Variants in LRRC25 observed in about 807,000 individuals in gnomAD.
LRRC25 encodes leucine-rich repeat-containing protein 25.
LRRC25 carries 5 observed loss-of-function variants against 18.8 expected under a neutral mutation model. The ratio of observed to expected loss-of-function variants is 0.27; its 90% CI spans 0.14 to 0.56. LRRC25 has a LOEUF of 0.56. Ranked by LOEUF, LRRC25 falls within the 20% of genes least tolerant of loss-of-function variation. The pLI is 0.93. For missense variants in LRRC25, 341 were observed against 389.8 expected, an observed-to-expected ratio of 0.87 and a Z score of 1.05; for synonymous variants, 161 against 176.8, an observed-to-expected ratio of 0.91 and a Z score of 0.71.
Position 18,396,777 on chromosome 19 carries a change from C to T in LRRC25, c.187G>A (p.Val63Met). The change falls in exon 1 of 2, where the codon GTG (valine) becomes ATG (methionine). Residue 63 changes from valine to methionine, a missense_variant. Physicochemically the swap from Val to Met is conservative, Grantham distance 21. Transcript: ENST00000339007. Reference protein sequence around the residue: ...PHNQSLRASNVILLDLSGNGL... With the variant: ...PHNQSLRASNMILLDLSGNGL... ...TTCCCAGACAGGTCAAGGAGAATCA[C>T]GTTGCTGGCCCGCAGAGACTGGTTG... The T allele has an allele frequency of 1.2e-6, 2 of 1,614,162 alleles. No homozygotes were observed. The highest frequency in any genetic ancestry group is 1.7e-6 in the Non-Finnish European group (2 of 1,180,044).
At position 18,392,138 on chromosome 19, in the gene LRRC25, A is replaced by G; in HGVS notation, c.780-13T>C. The G allele has an allele frequency of 6.2e-7, 1 of 1,613,000 alleles. No individual in the cohort carries two copies. Among genetic ancestry groups the G allele is most frequent in the Non-Finnish European group, 8.5e-7 (1 of 1,179,214 alleles). On this transcript the variant is annotated splice_polypyrimidine_tract_variant and intron_variant, in intron 1 of 1. Coordinates refer to ENST00000339007, the MANE Select transcript of LRRC25 (RefSeq NM_145256.3). Reference sequence around the variant, plus strand: ...TGAAGGGTGAGCCCTGGGGGGACAGACAGACCAGGGGTAAGTGTGGGAGGG... The same window carrying G: ...TGAAGGGTGAGCCCTGGGGGGACAGGCAGACCAGGGGTAAGTGTGGGAGGG...
intron 1 of LRRC25, among the ~76,000 whole-genome samples, chr19:18,394,051 C>T (rs906974524): frequency 2.6e-5 from 4 of 152,162 alleles, no homozygotes; most frequent in Non-Finnish European, 4.4e-5. Flanking sequence ...AACAGCCTTC[C>T]GATAGCCTCC....
Position 18,396,592 on chromosome 19 carries a change from G to C in LRRC25, c.372C>G (p.His124Gln), listed in dbSNP as rs137990337. The change falls in exon 1 of 2, where the codon CAC (histidine) becomes CAG (glutamine). Residue 124 changes from histidine to glutamine, a missense_variant. Coordinates refer to ENST00000339007, the MANE Select transcript of LRRC25 (RefSeq NM_145256.3). ...CAGAGCAGTTGTCTCGGCGGATGTCGTGCCAGGACTCCAGGGCACAGTTGC... is the reference window on the plus strand; with the variant it reads ...CAGAGCAGTTGTCTCGGCGGATGTCCTGCCAGGACTCCAGGGCACAGTTGC... ...ADCNCALESW[H>Q]DIRRDNCSGQ... 1.5e-4 allele frequency: 237 copies of C among 1,613,908 alleles called. No individual in the cohort carries two copies. In the African/African-American group the frequency reaches 2.0e-3, roughly 14 times the overall value.
rs973422552 is a variant in LRRC25, at chr19:18,397,548, C to T, written c.-585G>A. ...CTGGCCCACCTGGACACGGGGGCCG[C>T]AGCGGCCACGGCCAGCACCGTCCGC... On this transcript the variant is annotated 5_prime_UTR_variant, in exon 1 of 2. Coordinates refer to ENST00000339007, the MANE Select transcript of LRRC25 (RefSeq NM_145256.3). 10 of 155,720 alleles carry T rather than the reference C, an allele frequency of 6.4e-5. No homozygotes were observed. Among genetic ancestry groups the T allele is most frequent in the African/African-American group, 2.4e-4 (10 of 41,474 alleles). 9.6% of individuals were successfully genotyped at this position (155,720 alleles called of 1,614,324 possible).
chr19:18,391,965 T>A lies in LRRC25; in HGVS notation c.*22A>T, dbSNP rs541322584. 6.2e-7 allele frequency: 1 copy of A among 1,608,094 alleles called. No homozygotes were observed. Among genetic ancestry groups the A allele is most frequent in the Non-Finnish European group, 8.5e-7 (1 of 1,176,076 alleles). On this transcript the variant is annotated 3_prime_UTR_variant, in exon 2 of 2. Transcript: ENST00000339007. Reference sequence around the variant, plus strand: ...CAGCAGGGACTGAAGGGGTTCTGGGTGGAGGTTAGGACATCTTAGGCTCAG... The same window carrying A: ...CAGCAGGGACTGAAGGGGTTCTGGGAGGAGGTTAGGACATCTTAGGCTCAG...
intron 1 of LRRC25, among the ~76,000 whole-genome samples, chr19:18,395,721 T>C (rs1971959469): frequency 6.6e-6 from 1 of 152,082 alleles, no homozygotes; most frequent in Non-Finnish European, 1.5e-5. Flanking sequence ...TTTACTTTAT[T>C]TTATTGATTT....
Position 18,391,504 on chromosome 19 carries a change from C to CTCCA in LRRC25, c.*479_*482dup, listed in dbSNP as rs1193870726. On this transcript the variant is annotated 3_prime_UTR_variant, in exon 2 of 2. Transcript: ENST00000339007. ...AGTGAGCTGAGACCGCAGCATTGCA[C>CTCCA]TCCAGCCTGGGTGACAGAGTGACAC... 2 of 156,006 alleles carry CTCCA rather than the reference C, an allele frequency of 1.3e-5. No individual in the cohort carries two copies. Among genetic ancestry groups the CTCCA allele is most frequent in the African/African-American group, 4.8e-5 (2 of 41,502 alleles). 9.7% of individuals were successfully genotyped at this position (156,006 alleles called of 1,614,324 possible).
Position 18,397,014 on chromosome 19 carries a change from G to C in LRRC25, c.-51C>G. On this transcript the variant is annotated 5_prime_UTR_variant, in exon 1 of 2. Transcript: ENST00000339007. ...GAATCCTAGCCCTGACCTCAGCCCT[G>C]TGGTCGCCCTCGCCTCCACCGCCAG... 6.5e-7 allele frequency: 1 copy of C among 1,542,800 alleles called. No individual in the cohort carries two copies. Among genetic ancestry groups the C allele is most frequent in the South Asian group, 1.2e-5 (1 of 84,516 alleles).
rs946737998 is a variant in LRRC25 at position 18,391,154 on chromosome 19, T to C, written c.*833A>G. On this transcript the variant is annotated 3_prime_UTR_variant, in exon 2 of 2. Coordinates refer to ENST00000339007, the MANE Select transcript of LRRC25 (RefSeq NM_145256.3). Reference sequence around the variant, plus strand: ...TCAGAATATTAGAGCTAAAGGAATATATACATTTTTTTATTTTGGGGTTGG... The same window carrying C: ...TCAGAATATTAGAGCTAAAGGAATACATACATTTTTTTATTTTGGGGTTGG... 2 of 152,236 alleles carry C rather than the reference T, an allele frequency of 1.3e-5. No homozygotes were observed. Among genetic ancestry groups the C allele is most frequent in the Non-Finnish European group, 2.9e-5 (2 of 68,062 alleles). The allele number at this position is 152,236 out of a possible 1,614,324, so 9.4% of individuals were successfully genotyped here.
rs2144625103 is a variant in LRRC25 at position 18,396,676 on chromosome 19, G to A, written c.288C>T (p.Pro96=). The A allele has an allele frequency of 1.2e-6, 2 of 1,614,058 alleles. No homozygotes were observed. Among genetic ancestry groups the A allele is most frequent in the Non-Finnish European group, 1.7e-6 (2 of 1,180,000 alleles). ...CCAGCGCCCCATCCACACGAGACAA[G>A]GGGTTGCGTAGCACGTTCAGGACCT... The part of the protein sequence containing the change: ...KLEVLNVLRN[P]LSRVDGALAA... The change falls in exon 1 of 2, where the codon CCC becomes CCT. Residue 96 remains proline, a synonymous_variant. Coordinates refer to ENST00000339007, the MANE Select transcript of LRRC25 (RefSeq NM_145256.3).
At chr19:18,392,737 C>T (rs1971917973) in intron 1 of LRRC25, among the ~76,000 whole-genome samples, 2 of 151,804 alleles carry the variant, frequency 1.3e-5, no homozygotes, top group South Asian at 4.2e-4. Context: ...TGCCTGTAAT[C>T]CCAGCACTTT....
Position 18,396,427 on chromosome 19 carries a change from A to C in LRRC25, c.537T>G (p.Leu179=). ...AGGCCAGCACAGGGCCAGCGATGGC[A>C]AGTCCAAGAAGCAGGCACCCGCTGA... The part of the protein sequence containing the change: ...VVVSGCLLLG[L]AIAGPVLAWR... Residue 179 remains leucine (L), a synonymous_variant, in exon 1 of 2, where the codon CTT becomes CTG. Coordinates refer to ENST00000339007, the MANE Select transcript of LRRC25 (RefSeq NM_145256.3). The C allele has an allele frequency of 1.9e-6, 3 of 1,613,476 alleles. No homozygotes were observed. Among genetic ancestry groups the C allele is most frequent in the Non-Finnish European group, 2.5e-6 (3 of 1,180,028 alleles).
In LRRC25 at chr19:18,391,340, A is replaced by T. The variant is rs1971894441; in HGVS notation, c.*647T>A. The T allele has an allele frequency of 6.6e-6, 1 of 152,450 alleles. No homozygotes were observed. The highest frequency in any genetic ancestry group is 2.4e-5 in the African/African-American group (1 of 41,534). 9.4% of individuals were successfully genotyped at this position (152,450 alleles called of 1,614,324 possible). A position where few individuals can be genotyped will look rare whatever the true frequency, so the allele number is the denominator to read the frequency against. ...GATCGCTTGAGGTCAGGAGTTCGAG[A>T]CCAGCCTGGCCAACATGGCGAAACC... On this transcript the variant is annotated 3_prime_UTR_variant, in exon 2 of 2. Coordinates refer to ENST00000339007, the MANE Select transcript of LRRC25 (RefSeq NM_145256.3).
chr19:18,393,823 T>G (rs764761374), intron 1 of LRRC25, among the ~76,000 whole-genome samples: 2 of 152,120 alleles, frequency 1.3e-5, no homozygotes, highest in South Asian at 2.1e-4. Flanking sequence ...AACTGTAAGA[T>G]GCAGGGTGGA....
At position 18,391,897 on chromosome 19, in the gene LRRC25, G is replaced by A. The variant is rs1971904477; in HGVS notation, c.*90C>T. On this transcript the variant is annotated 3_prime_UTR_variant, in exon 2 of 2. Transcript: ENST00000339007. ...CTTTCCTGTACCCATTCTTCAGATG[G>A]GGAAACTGAGGCCATGGAGGCGTTA... 6.8e-7 allele frequency: 1 copy of A among 1,461,562 alleles called. No individual in the cohort carries two copies. Among genetic ancestry groups the A allele is most frequent in the African/African-American group, 1.4e-5 (1 of 71,424 alleles). The allele number at this position is 1,461,562 out of a possible 1,614,324, so 90.5% of individuals were successfully genotyped here.
intron 1 of LRRC25, among the ~76,000 whole-genome samples, chr19:18,393,543 C>T (rs917223314): frequency 2.6e-5 from 4 of 152,156 alleles, no homozygotes; most frequent in African/African-American, 9.6e-5. Flanking sequence ...ATCACTTGAA[C>T]CCGGGAGGTG....
rs773423481 is a variant in LRRC25 at position 18,396,532 on chromosome 19, G to A, written c.432C>T (p.Ser144=). The change falls in exon 1 of 2, where the codon AGC becomes AGT. Residue 144 remains serine, a synonymous_variant. Coordinates refer to ENST00000339007, the MANE Select transcript of LRRC25 (RefSeq NM_145256.3). The part of the protein sequence containing the change: ...QKPLLCWDTT[S]SQHNLSAFLE... ...GGAAGGCAGAGAGGTTGTGCTGGGA[G>A]CTGGTTGTGTCCCAGCAGAGCAGAG... The A allele has an allele frequency of 7.4e-6, 12 of 1,613,704 alleles. No individual in the cohort carries two copies. Among genetic ancestry groups the A allele is most frequent in the Admixed American group, 3.3e-5 (2 of 60,020 alleles).
At chr19:18,393,688 C>T (rs1443063950) in intron 1 of LRRC25, among the ~76,000 whole-genome samples, 1 of 152,112 alleles carries the variant, frequency 6.6e-6, no homozygotes. Context: ...AATTGCCCAC[C>T]AACCCCTAAG....
intron 1 of LRRC25, among the ~76,000 whole-genome samples, chr19:18,395,963 C>T (rs1971962815): frequency 6.6e-6 from 1 of 152,264 alleles, no homozygotes; most frequent in South Asian, 2.1e-4. Flanking sequence ...TCAAGTGATC[C>T]GCCTGCCTTG....
Sources: gnomAD v4.1 joint callset for allele counts (sites outside exome capture counted in the v4.1 genomes callset) on GRCh38, gnomAD v4.1.1 for gene constraint, MANE v1.5 for transcripts, NCBI Gene and HGNC (gene_info 2026-07-23, HGNC 2026-07-21) for gene names.